The following VTI1A variants were observed in gnomAD, a reference collection of about 807,000 sequenced individuals.
VTI1A encodes the protein vesicle transport through interaction with t-SNAREs 1A, also known as vesicle transport through interaction with t-SNAREs homolog 1A.
A neutral mutation model predicts 34.9 loss-of-function variants in VTI1A; 22 were observed. The observed-to-expected ratio is 0.63, with a 90% CI of 0.45 to 0.90. The LOEUF (loss-of-function observed/expected upper bound fraction) is 0.90. Among genes scored for constraint, VTI1A ranks in the 40% least tolerant of loss-of-function variants. The pLI, the probability that VTI1A is intolerant of heterozygous loss-of-function variation, is 0.00. For missense variants in VTI1A, 268 were observed against 275.6 expected (o/e 0.97, Z 0.20); for synonymous variants, 87 against 97.3 (o/e 0.89, Z 0.62).
At chr10:112,551,964 T>C (rs1208881302) in intron 5 of VTI1A, among the ~76,000 whole-genome samples, 3 of 152,216 alleles carry the variant, frequency 2.0e-5, no homozygotes, top group Non-Finnish European at 2.9e-5. Flanking sequence ...TCCATCAAAC[T>C]TTTTATTATT....
At chr10:112,449,742 A>T (rs1006074825) in intron 1 of VTI1A, 18 of 152,114 alleles carry the variant, frequency 1.2e-4, no homozygotes, top group African/African-American at 4.3e-4. Flanking sequence ...GACAAGAGCG[A>T]AACTGTCTCA....
chr10:112,709,812 T>C (rs2133918072), intron 7 of VTI1A, among the ~76,000 whole-genome samples: 1 of 146,562 alleles, frequency 6.8e-6, no homozygotes, highest in East Asian at 2.1e-4. Context: ...TGCCTCGGCC[T>C]CCCAGGTAGG....
chr10:112,496,795 G>T (rs1430789583), intron 3 of VTI1A, among the ~76,000 whole-genome samples: 1 of 152,166 alleles, frequency 6.6e-6, no homozygotes, highest in African/African-American at 2.4e-5. Context: ...AGTTTACTCT[G>T]AATGTATATG....
chr10:112,525,181 G>A (rs1335207544), intron 3 of VTI1A, among the ~76,000 whole-genome samples: 2 of 152,160 alleles, frequency 1.3e-5, no homozygotes, highest in African/African-American at 2.4e-5. Context: ...GCGATCTGAT[G>A]TAGATATCTT....
intron 5 of VTI1A, among the ~76,000 whole-genome samples, chr10:112,601,582 A>G (rs1844880389): frequency 6.6e-6 from 1 of 152,128 alleles, no homozygotes; most frequent in Non-Finnish European, 1.5e-5. Context: ...TCCGTGCCTC[A>G]TCCTAGGAAG....
At chr10:112,730,839 C>T (rs1383456186) in intron 7 of VTI1A, among the ~76,000 whole-genome samples, 1 of 151,978 alleles carries the variant, frequency 6.6e-6, no homozygotes, top group African/African-American at 2.4e-5. Context: ...GACTAAAGAC[C>T]AGATACTAAA....
chr10:112,492,673 G>C (rs185494737), intron 3 of VTI1A, among the ~76,000 whole-genome samples: 8 of 151,776 alleles, frequency 5.3e-5, no homozygotes, highest in African/African-American at 1.9e-4. Flanking sequence ...TGTAATCCCA[G>C]TTACTTGGGA....
intron 3 of VTI1A, among the ~76,000 whole-genome samples, chr10:112,521,799 A>C (rs886312595): frequency 2.0e-5 from 3 of 152,204 alleles, no homozygotes; most frequent in Non-Finnish European, 4.4e-5. Flanking sequence ...AAATTAATAC[A>C]ACATGGAGAA....
rs766925103 is a variant in VTI1A at position 112,527,159 on chromosome 10, A to G, written c.337A>G (p.Asn113Asp). The G allele has an allele frequency of 6.2e-7, 1 of 1,613,282 alleles. No homozygotes were observed. Among genetic ancestry groups the G allele is most frequent in the Non-Finnish European group, 8.5e-7 (1 of 1,179,572 alleles). ...GGGGGATGATGGGAATTCCTCAGAG[A>G]ACCAGGTAGAATGCTAATCAGGAAG... is the stretch of plus-strand genomic sequence containing the variant. ...LLGDDGNSSE[N>D]QRAHLLDNTE... The change falls in exon 4 of 8, where the codon AAC becomes GAC. Residue 113 changes from asparagine to aspartate, a missense_variant. Physicochemically the swap from Asn to Asp is conservative, Grantham distance 23. Transcript: ENST00000393077.
chr10:112,563,259 C>T (rs935702877), intron 5 of VTI1A, among the ~76,000 whole-genome samples: 2 of 152,136 alleles, frequency 1.3e-5, no homozygotes, highest in African/African-American at 4.8e-5. Context: ...AGTATTTTTA[C>T]GCTTGAACTA....
At chr10:112,578,888 C>T (rs528920460) in intron 5 of VTI1A, among the ~76,000 whole-genome samples, 39 of 152,108 alleles carry the variant, frequency 2.6e-4, no homozygotes, top group Non-Finnish European at 5.4e-4. Flanking sequence ...CTCTGCAGGC[C>T]AGCAACAGTG....
At chr10:112,600,434 CTCT>C (rs1844836191) in intron 5 of VTI1A, among the ~76,000 whole-genome samples, 1 of 152,182 alleles carries the variant, frequency 6.6e-6, no homozygotes, top group Admixed American at 6.5e-5. Context: ...ATTTCTACCA[CTCT>C]TCTTTACTTG....
chr10:112,541,181 T>C (rs1850854520), intron 5 of VTI1A, among the ~76,000 whole-genome samples: 1 of 152,202 alleles, frequency 6.6e-6, no homozygotes, highest in Non-Finnish European at 1.5e-5. Flanking sequence ...TTTTAGGCCC[T>C]TCAAATTTTT....
chr10:112,683,997 C>A (rs1000159788), intron 7 of VTI1A, among the ~76,000 whole-genome samples: 1 of 150,964 alleles, frequency 6.6e-6, no homozygotes, highest in Non-Finnish European at 1.5e-5. Flanking sequence ...GAGCTGAGAT[C>A]GTGCCACTGC....
chr10:112,599,318 G>C (rs1180672661), intron 5 of VTI1A, among the ~76,000 whole-genome samples: 1 of 152,204 alleles, frequency 6.6e-6, no homozygotes, highest in Non-Finnish European at 1.5e-5. Flanking sequence ...GCCAGGATGT[G>C]GTGTTGGGTA....
chr10:112,447,045 G>A, upstream of VTI1A: 1 of 297,690 alleles, frequency 3.4e-6, no homozygotes, highest in Non-Finnish European at 6.5e-6. Context: ...GAACACGAAG[G>A]GGGGAAAAAA....
chr10:112,588,335 A>C (rs1844244063), intron 5 of VTI1A, among the ~76,000 whole-genome samples: 1 of 152,198 alleles, frequency 6.6e-6, no homozygotes, highest in Non-Finnish European at 1.5e-5. Context: ...TAAATAAATA[A>C]AAACTTAAAA....
chr10:112,829,425 CAG>C, the VTI1A span, among the ~76,000 whole-genome samples: 7 of 135,580 alleles, frequency 5.2e-5, no homozygotes, highest in Non-Finnish European at 7.6e-5. Flanking sequence ...GCCTGGGTGA[CAG>C]AGCGAGACTC....
intron 5 of VTI1A, among the ~76,000 whole-genome samples, chr10:112,655,358 T>A (rs11196036): frequency 0.13 from 19,267 of 151,832 alleles, 1,310 homozygotes; most frequent in Admixed American, 0.17. Flanking sequence ...AGAGAAGGTG[T>A]GTGTATATGT....
Sources: gnomAD v4.1 joint callset for allele counts (sites outside exome capture counted in the v4.1 genomes callset) on GRCh38, gnomAD v4.1.1 for gene constraint, MANE v1.5 for transcripts, NCBI Gene and HGNC (gene_info 2026-07-23, HGNC 2026-07-21) for gene names.